SH3PXD2A: variants seen among roughly 807,000 people sequenced by gnomAD.
SH3PXD2A encodes SH3 and PX domains 2A, also known as SH3 and PX domain-containing protein 2A.
Under a neutral mutation model 115.2 loss-of-function variants are expected in SH3PXD2A, and 32 were observed. That is an observed-to-expected ratio of 0.28 (90% confidence interval 0.21 to 0.37). The LOEUF (loss-of-function observed/expected upper bound fraction) is 0.37, where lower values mean the gene tolerates loss of function less well. Among genes scored for constraint, SH3PXD2A ranks in the 10% least tolerant of loss-of-function variants. The pLI is 1.00. For synonymous variants in SH3PXD2A, 610 were observed against 629.1 expected, an observed-to-expected ratio of 0.97 and a Z score of 0.45; for missense variants, 1,328 against 1,498.7, an observed-to-expected ratio of 0.89 and a Z score of 1.88.
At chr10:103,753,563 T>A in intron 3 of SH3PXD2A, among the ~76,000 whole-genome samples, 1 of 150,672 alleles carries the variant, frequency 6.6e-6, no homozygotes, top group Non-Finnish European at 1.5e-5. Flanking sequence ...GGGAACTGGG[T>A]TTGAAGCCCA....
At chr10:103,708,079 C>G (rs1446883899) in intron 5 of SH3PXD2A, among the ~76,000 whole-genome samples, 1 of 152,186 alleles carries the variant, frequency 6.6e-6, no homozygotes, top group Middle Eastern at 3.2e-3. Context: ...TGTGTGGGAC[C>G]TGCCTGGCCT....
At chr10:103,707,386 G>A (rs1170264232) in intron 5 of SH3PXD2A, among the ~76,000 whole-genome samples, 1 of 152,006 alleles carries the variant, frequency 6.6e-6, no homozygotes, top group Non-Finnish European at 1.5e-5. Flanking sequence ...AGTAGAGATA[G>A]GGGTTTCACT....
chr10:103,776,922 C>T (rs952266550), intron 2 of SH3PXD2A, among the ~76,000 whole-genome samples: 1 of 152,222 alleles, frequency 6.6e-6, no homozygotes, highest in Admixed American at 6.5e-5. Context: ...TACATAAAAA[C>T]TTCAACCCAT....
intron 3 of SH3PXD2A, among the ~76,000 whole-genome samples, chr10:103,738,710 C>T (rs962738541): frequency 6.6e-5 from 10 of 152,134 alleles, no homozygotes; most frequent in African/African-American, 2.4e-4. Context: ...TAAATGGGGT[C>T]CCTCTCCCAG....
At chr10:103,802,546 C>T (rs10883913) in intron 1 of SH3PXD2A, among the ~76,000 whole-genome samples, 83,136 of 152,036 alleles carry the variant, frequency 0.55, 24,070 homozygotes, top group South Asian at 0.69. Flanking sequence ...CACAATCTGG[C>T]CTGCTCTTCC....
intron 7 of SH3PXD2A, among the ~76,000 whole-genome samples, chr10:103,668,132 C>T (rs1296892198): frequency 1.3e-5 from 2 of 152,252 alleles, no homozygotes; most frequent in African/African-American, 4.8e-5. Flanking sequence ...GGGCCCGCTG[C>T]TCTCTGCCTC....
chr10:103,661,798 G>C (rs1213191902), intron 7 of SH3PXD2A: 8 of 985,126 alleles, frequency 8.1e-6, no homozygotes, highest in African/African-American at 1.7e-5. Context: ...CATGAGACCC[G>C]TCGAATGAGG....
chr10:103,645,538 G>A (rs1010780447), intron 8 of SH3PXD2A, among the ~76,000 whole-genome samples: 1 of 152,110 alleles, frequency 6.6e-6, no homozygotes, highest in African/African-American at 2.4e-5. Context: ...AGTCTGCTTG[G>A]ATACCTGACC....
intron 2 of SH3PXD2A, among the ~76,000 whole-genome samples, chr10:103,770,884 G>A (rs1055020557): frequency 2.0e-5 from 3 of 152,170 alleles, no homozygotes; most frequent in African/African-American, 7.2e-5. Flanking sequence ...ACATGTCTAC[G>A]CACACTTCCT....
chr10:103,611,693 G>C, intron 12 of SH3PXD2A, 63 bp from the exon 13 acceptor site: 1 of 1,302,560 alleles, frequency 7.7e-7, no homozygotes, highest in Non-Finnish European at 1.1e-6. Context: ...ACCCATACCT[G>C]CCTTCCCTAG....
intron 1 of SH3PXD2A, among the ~76,000 whole-genome samples, chr10:103,845,287 C>T (rs1278816388): frequency 2.0e-4 from 28 of 138,100 alleles, no homozygotes; most frequent in Admixed American, 2.0e-3. Flanking sequence ...GCCAAGATTG[C>T]GCCTCTGCAC....
At chr10:103,662,017 C>G (rs1312496587) in intron 7 of SH3PXD2A, 1 of 934,784 alleles carries the variant, frequency 1.1e-6, no homozygotes, top group Non-Finnish European at 1.3e-6. Flanking sequence ...GGCCTGCCCC[C>G]AGCCCTGCTT....
chr10:103,600,678 G>A lies in SH3PXD2A; in HGVS notation c.*1138C>T, dbSNP rs1209166195. ...TTTTTGCCCCTCTGAGGTTGTGCAGGAACCAGAAGAACAGTTTCTCTGCTT... is the reference window on the plus strand; with the variant it reads ...TTTTTGCCCCTCTGAGGTTGTGCAGAAACCAGAAGAACAGTTTCTCTGCTT... On this transcript the variant is annotated 3_prime_UTR_variant, in exon 15 of 15. Coordinates refer to ENST00000369774, the MANE Select transcript of SH3PXD2A (RefSeq NM_001394015.1). The A allele has an allele frequency of 6.6e-6, 1 of 152,222 alleles. No homozygotes were observed. The highest frequency in any genetic ancestry group is 1.5e-5 in the Non-Finnish European group (1 of 68,040). 9.4% of individuals were successfully genotyped at this position (152,222 alleles called of 1,614,324 possible).
chr10:103,643,936 C>G (rs940519860), intron 8 of SH3PXD2A, among the ~76,000 whole-genome samples: 3 of 151,374 alleles, frequency 2.0e-5, no homozygotes, highest in African/African-American at 7.3e-5. Flanking sequence ...AGGGTGAAAC[C>G]CCATCTCTAC....
intron 11 of SH3PXD2A, 42 bp downstream of exon 11, chr10:103,617,155 G>A: frequency 7.1e-7 from 1 of 1,404,602 alleles, no homozygotes; most frequent in Non-Finnish European, 1.0e-6. Context: ...CAGGGCCCAG[G>A]TGGGCGAGAG....
At chr10:103,734,511 C>T (rs1207339978) in intron 4 of SH3PXD2A, among the ~76,000 whole-genome samples, 3 of 152,126 alleles carry the variant, frequency 2.0e-5, no homozygotes, top group Non-Finnish European at 2.9e-5. Context: ...CACTTTGGGA[C>T]GCCAAGGCAG....
At position 103,627,273 on chromosome 10, in the gene SH3PXD2A, A is replaced by G. The variant is rs970164462; in HGVS notation, c.605-71T>C. ...TGGCAGGGGTGGCTCGGGGGCCAGG[A>G]CAAGGATGGAAGGAGAGGCACAAGA... is the stretch of plus-strand genomic sequence containing the variant. On this transcript the variant is annotated intron_variant, in intron 8 of 14. Transcript: ENST00000369774. The surrounding 1 kb of genome is among the most constrained non-coding windows in gnomAD (Gnocchi z 4.4). 297 of 882,280 alleles carry G rather than the reference A, an allele frequency of 3.4e-4. 2 individuals carry two copies. The highest frequency in any genetic ancestry group is 4.8e-4 in the Non-Finnish European group (256 of 530,266). 54.7% of individuals were successfully genotyped at this position (882,280 alleles called of 1,614,324 possible).
chr10:103,825,859 G>A (rs560304090), intron 1 of SH3PXD2A, among the ~76,000 whole-genome samples: 8 of 151,552 alleles, frequency 5.3e-5, no homozygotes, highest in Non-Finnish European at 1.2e-4. Flanking sequence ...CACCTCCCGG[G>A]TTCTCGCCAT....
intron 10 of SH3PXD2A, among the ~76,000 whole-genome samples, chr10:103,619,847 T>C (rs1280190318): frequency 6.6e-6 from 1 of 152,192 alleles, no homozygotes; most frequent in Non-Finnish European, 1.5e-5. Flanking sequence ...GGGAGGCTCG[T>C]CCTGCCCCGG....
Sources: gnomAD v4.1 joint callset for allele counts (sites outside exome capture counted in the v4.1 genomes callset) on GRCh38, gnomAD v4.1.1 for gene constraint, Gnocchi (gnomAD v3.1) non-coding constraint, MANE v1.5 for transcripts, NCBI Gene and HGNC (gene_info 2026-07-23, HGNC 2026-07-21) for gene names.